ZMAT4: variants seen among roughly 807,000 people sequenced by gnomAD.
ZMAT4 encodes the protein zinc finger matrin-type protein 4.
Under a neutral mutation model 28.7 loss-of-function variants are expected in ZMAT4, and 17 were observed. The observed-to-expected ratio is 0.59, with a 90% CI of 0.41 to 0.89. ZMAT4 has a LOEUF of 0.89. Among genes scored for constraint, ZMAT4 ranks in the 40% least tolerant of loss-of-function variants. ZMAT4 has a pLI of 0.00. For synonymous variants in ZMAT4, 117 were observed against 109.2 expected (o/e 1.07, Z -0.44); for missense variants, 240 against 283.8 (o/e 0.85, Z 1.11).
chr8:40,577,313 A>T (rs9987089), intron 6 of ZMAT4, among the ~76,000 whole-genome samples: 16,983 of 152,278 alleles, frequency 0.11, 1,223 homozygotes, highest in Admixed American at 0.2. Flanking sequence ...GGAAAATGTC[A>T]TCTATATAAA....
At chr8:40,789,986 C>T (rs952091330) in intron 2 of ZMAT4, among the ~76,000 whole-genome samples, 3 of 152,196 alleles carry the variant, frequency 2.0e-5, no homozygotes, top group African/African-American at 7.2e-5. Context: ...CACTGCCCCA[C>T]TTCTAGTTAA....
At chr8:40,771,679 A>C (rs1813394653) in intron 2 of ZMAT4, among the ~76,000 whole-genome samples, 1 of 152,238 alleles carries the variant, frequency 6.6e-6, no homozygotes, top group African/African-American at 2.4e-5. Context: ...TGCTACTTCC[A>C]ATTTTAAAAC....
chr8:40,622,877 A>C (rs58517501), intron 5 of ZMAT4, among the ~76,000 whole-genome samples: 7 of 152,174 alleles, frequency 4.6e-5, no homozygotes, highest in Non-Finnish European at 1.0e-4. Flanking sequence ...ACCAGGTCCA[A>C]CCTCCAACAC....
At chr8:40,655,234 A>C (rs1369135687) in intron 5 of ZMAT4, among the ~76,000 whole-genome samples, 2 of 152,088 alleles carry the variant, frequency 1.3e-5, no homozygotes, top group African/African-American at 2.4e-5. Context: ...TGTGTAAAAA[A>C]ATTAGGAATA....
intron 5 of ZMAT4, among the ~76,000 whole-genome samples, chr8:40,610,850 A>G (rs1805768339): frequency 6.6e-6 from 1 of 152,116 alleles, no homozygotes; most frequent in Non-Finnish European, 1.5e-5. Flanking sequence ...AAAAATGAAA[A>G]AAAAAAGGCT....
chr8:40,597,303 A>G (rs1183429265), intron 5 of ZMAT4, among the ~76,000 whole-genome samples: 2 of 152,180 alleles, frequency 1.3e-5, no homozygotes, highest in African/African-American at 4.8e-5. Flanking sequence ...CTGGAATATT[A>G]TGAATAGGAT....
At chr8:40,838,713 C>T (rs765078542) in intron 1 of ZMAT4, among the ~76,000 whole-genome samples, 6 of 152,216 alleles carry the variant, frequency 3.9e-5, no homozygotes, top group African/African-American at 7.2e-5. Flanking sequence ...CACCCTCTCA[C>T]GCTTGCCAGG....
At chr8:40,593,201 T>A (rs1400297962) in intron 5 of ZMAT4, among the ~76,000 whole-genome samples, 4 of 152,232 alleles carry the variant, frequency 2.6e-5, no homozygotes, top group Admixed American at 6.5e-5. Context: ...GTAAAGTGTT[T>A]TCATAAAATT....
intron 1 of ZMAT4, among the ~76,000 whole-genome samples, chr8:40,879,684 G>GA: frequency 6.6e-6 from 1 of 152,102 alleles, no homozygotes; most frequent in African/African-American, 2.4e-5. Flanking sequence ...TAAAATATTT[G>GA]AAAACCGCAA....
chr8:40,703,182 C>T (rs1292757091), intron 3 of ZMAT4, among the ~76,000 whole-genome samples: 1 of 152,136 alleles, frequency 6.6e-6, no homozygotes. Context: ...TTGATGACAA[C>T]TTTATAGAAC....
chr8:40,633,939 A>G (rs1738880483), intron 5 of ZMAT4, among the ~76,000 whole-genome samples: 1 of 152,202 alleles, frequency 6.6e-6, no homozygotes, highest in Non-Finnish European at 1.5e-5. Flanking sequence ...AAATGCCACC[A>G]GGAAATAGCA....
intron 2 of ZMAT4, among the ~76,000 whole-genome samples, chr8:40,772,029 A>T (rs1813409195): frequency 1.3e-5 from 2 of 152,236 alleles, no homozygotes; most frequent in Admixed American, 1.3e-4. Context: ...GGGGGAAAAA[A>T]AGAACCATTA....
intron 4 of ZMAT4, among the ~76,000 whole-genome samples, chr8:40,676,544 A>T (rs1231721238): frequency 6.6e-6 from 1 of 152,114 alleles, no homozygotes; most frequent in Admixed American, 6.6e-5. Flanking sequence ...GAACCAATTA[A>T]CCAACACCCC....
intron 6 of ZMAT4, among the ~76,000 whole-genome samples, chr8:40,577,762 T>G (rs1250662163): frequency 6.6e-6 from 1 of 151,938 alleles, no homozygotes; most frequent in Non-Finnish European, 1.5e-5. Context: ...ATGTATCAAT[T>G]ATAAACAATA....
intron 1 of ZMAT4, among the ~76,000 whole-genome samples, chr8:40,853,827 G>C (rs912878317): frequency 6.6e-6 from 1 of 152,184 alleles, no homozygotes; most frequent in African/African-American, 2.4e-5. Flanking sequence ...TGACCCGAGA[G>C]AACCTGTGAA....
At chr8:40,605,980 T>C (rs1021804126) in intron 5 of ZMAT4, among the ~76,000 whole-genome samples, 4 of 152,256 alleles carry the variant, frequency 2.6e-5, no homozygotes, top group Non-Finnish European at 5.9e-5. Context: ...TTGTCTGATA[T>C]AAGAATAACT....
intron 4 of ZMAT4, among the ~76,000 whole-genome samples, chr8:40,684,092 C>T (rs1809293361): frequency 6.6e-6 from 1 of 151,788 alleles, no homozygotes; most frequent in Non-Finnish European, 1.5e-5. Context: ...CAGATGGCTA[C>T]TAAATTATTG....
chr8:40,663,716 C>T (rs887588372), intron 5 of ZMAT4, among the ~76,000 whole-genome samples: 1 of 152,100 alleles, frequency 6.6e-6, no homozygotes, highest in African/African-American at 2.4e-5. Flanking sequence ...AATAATAATG[C>T]AAAAATAACC....
intron 5 of ZMAT4, among the ~76,000 whole-genome samples, chr8:40,648,471 G>T (rs1428628112): frequency 1.3e-5 from 2 of 151,548 alleles, no homozygotes; most frequent in East Asian, 3.9e-4. Flanking sequence ...AAGTGATGGG[G>T]AGAATGGAAC....
Sources: gnomAD v4.1 joint callset for allele counts (sites outside exome capture counted in the v4.1 genomes callset) on GRCh38, gnomAD v4.1.1 for gene constraint, MANE v1.5 for transcripts, NCBI Gene and HGNC (gene_info 2026-07-23, HGNC 2026-07-21) for gene names.